The following RAB32 variants were observed in gnomAD, a reference collection of about 807,000 sequenced individuals.
RAB32 encodes RAB32, member RAS oncogene family, also known as ras-related protein Rab-32.
Under a neutral mutation model 17.5 loss-of-function variants are expected in RAB32, and 17 were observed. That is an observed-to-expected ratio of 0.97 (90% confidence interval 0.67 to 1.46). The LOEUF is 1.46. Ranked by LOEUF, RAB32 falls within the 40% of genes most tolerant of loss-of-function variation. RAB32 has a pLI of 0.00. For missense variants in RAB32, 288 were observed against 284.3 expected, an observed-to-expected ratio of 1.01 and a Z score of -0.09; for synonymous variants, 115 against 111.1, an observed-to-expected ratio of 1.04 and a Z score of -0.22.
chr6:146,548,908 T>G (rs994967544), intron 1 of RAB32, among the ~76,000 whole-genome samples: 3 of 152,190 alleles, frequency 2.0e-5, no homozygotes, highest in African/African-American at 4.8e-5. Context: ...TGAAACAGAT[T>G]TTCATGTATC....
intron 1 of RAB32, among the ~76,000 whole-genome samples, chr6:146,546,627 A>G (rs1270762699): frequency 6.6e-6 from 1 of 152,018 alleles, no homozygotes; most frequent in East Asian, 1.9e-4. Context: ...TGCTCCACAA[A>G]CTTCCCCCAG....
intron 2 of RAB32, among the ~76,000 whole-genome samples, chr6:146,551,650 G>A (rs1348037622): frequency 6.6e-6 from 1 of 151,616 alleles, no homozygotes. Flanking sequence ...TTTTGGTGGA[G>A]GAGTTTTATA....
At position 146,554,691 on chromosome 6, in the gene RAB32, C is replaced by G; in HGVS notation, c.*86C>G. On this transcript the variant is annotated 3_prime_UTR_variant, in exon 3 of 3. Coordinates refer to ENST00000367495, the MANE Select transcript of RAB32 (RefSeq NM_006834.5). ...TACAGATGTCATGTTAGCTGGGAGTCTTCCCACATGTGGCACTTCAAAAGG... is the reference window on the plus strand; with the variant it reads ...TACAGATGTCATGTTAGCTGGGAGTGTTCCCACATGTGGCACTTCAAAAGG... 5 of 1,444,358 alleles carry G rather than the reference C, an allele frequency of 3.5e-6. No individual in the cohort carries two copies. The highest frequency in any genetic ancestry group is 4.7e-6 in the Non-Finnish European group (5 of 1,074,614). 89.5% of individuals were successfully genotyped at this position (1,444,358 alleles called of 1,614,324 possible). A position where few individuals can be genotyped will look rare whatever the true frequency, so the allele number is the denominator to read the frequency against.
At chr6:146,548,170 A>C (rs1319090552) in intron 1 of RAB32, among the ~76,000 whole-genome samples, 3 of 152,050 alleles carry the variant, frequency 2.0e-5, no homozygotes, top group Non-Finnish European at 4.4e-5. Flanking sequence ...AGGGTTTCAT[A>C]TGTGACCATT....
At chr6:146,545,272 GAA>G (rs376504722) in intron 1 of RAB32, among the ~76,000 whole-genome samples, 7 of 121,724 alleles carry the variant, frequency 5.8e-5, no homozygotes, top group Admixed American at 1.7e-4. Context: ...CCCTATCTCA[GAA>G]AAAAAAAAAA....
intron 1 of RAB32, among the ~76,000 whole-genome samples, chr6:146,548,954 C>T (rs2114784060): frequency 6.6e-6 from 1 of 152,206 alleles, no homozygotes; most frequent in South Asian, 2.1e-4. Flanking sequence ...CATATTGAGT[C>T]AGAAGTGGGT....
chr6:146,544,011 A>T lies in RAB32; in HGVS notation c.140A>T (p.His47Leu), dbSNP rs199508805. 2.0e-4 allele frequency: 329 copies of T among 1,613,870 alleles called. 6 individuals carry two copies. The Admixed American group carries it at 5.4e-3, about 26-fold the overall frequency. The change falls in exon 1 of 3, where the codon CAC (histidine) becomes CTC (leucine). Residue 47 changes from histidine to leucine, a missense_variant. Transcript: ENST00000367495. ...GKTSIIKRYV[H>L]QLFSQHYRAT... is the part of the protein sequence containing the mutation. ...ACCAGCATCATCAAGCGCTACGTCCACCAGCTCTTCTCCCAGCACTACCGG... is the reference window on the plus strand; with the variant it reads ...ACCAGCATCATCAAGCGCTACGTCCTCCAGCTCTTCTCCCAGCACTACCGG...
chr6:146,551,831 G>A (rs1779902438), intron 2 of RAB32, among the ~76,000 whole-genome samples: 1 of 152,178 alleles, frequency 6.6e-6, no homozygotes, highest in African/African-American at 2.4e-5. Flanking sequence ...TGAAACGCTG[G>A]TTAAGAGTAC....
intron 2 of RAB32, among the ~76,000 whole-genome samples, chr6:146,550,254 A>C (rs1268266348): frequency 1.3e-5 from 2 of 152,210 alleles, no homozygotes; most frequent in East Asian, 1.9e-4. Context: ...TATGCTTCAT[A>C]AACAGTAGAG....
At chr6:146,546,987 C>T (rs901584225) in intron 1 of RAB32, among the ~76,000 whole-genome samples, 16 of 152,012 alleles carry the variant, frequency 1.1e-4, no homozygotes, top group African/African-American at 3.9e-4. Flanking sequence ...TCTGTTCTTA[C>T]GGCATTGAAG....
At chr6:146,553,319 G>C (rs948008009) in intron 2 of RAB32, among the ~76,000 whole-genome samples, 33 of 152,168 alleles carry the variant, frequency 2.2e-4, no homozygotes, top group Non-Finnish European at 7.3e-5. Context: ...TTTGCACTAA[G>C]TACAAAGGGA....
chr6:146,549,715 G>A lies in RAB32; in HGVS notation c.502G>A (p.Ala168Thr). The change falls in exon 2 of 3, where the codon GCC becomes ACC. Residue 168 changes from alanine to threonine, a missense_variant. Ala to Thr is a moderately conservative substitution (Grantham distance 58). Transcript: ENST00000367495. Reference protein sequence around the residue: ...VDQFCKEHGFAGWFETSAKDN... With the variant: ...VDQFCKEHGFTGWFETSAKDN... ...CCAATTCTGCAAAGAACATGGCTTTGCCGGATGGTTTGAAACCTCTGCAAA... is the reference window on the plus strand; with the variant it reads ...CCAATTCTGCAAAGAACATGGCTTTACCGGATGGTTTGAAACCTCTGCAAA... 1.2e-6 allele frequency: 2 copies of A among 1,614,142 alleles called. No homozygotes were observed. Among genetic ancestry groups the A allele is most frequent in the Non-Finnish European group, 1.7e-6 (2 of 1,180,016 alleles).
intron 1 of RAB32, among the ~76,000 whole-genome samples, chr6:146,547,226 A>G (rs1779834989): frequency 6.6e-6 from 1 of 152,136 alleles, no homozygotes. Context: ...GTAAAGTAGT[A>G]TTTGGTTTAC....
At chr6:146,544,186 T>A in intron 1 of RAB32, 65 bp downstream of exon 1, 1 of 1,490,178 alleles carries the variant, frequency 6.7e-7, no homozygotes, top group Non-Finnish European at 9.0e-7. Context: ...TCTCTGCTTC[T>A]TTTCTTTTTC....
chr6:146,548,543 A>C (rs1779853196), intron 1 of RAB32, among the ~76,000 whole-genome samples: 1 of 152,182 alleles, frequency 6.6e-6, no homozygotes, highest in Non-Finnish European at 1.5e-5. Context: ...GTCAGTAACT[A>C]AGTCAAGGCA....
chr6:146,548,904 A>G (rs925533765), intron 1 of RAB32, among the ~76,000 whole-genome samples: 5 of 152,214 alleles, frequency 3.3e-5, no homozygotes, highest in Admixed American at 6.5e-5. Flanking sequence ...GTTCTGAAAC[A>G]GATTTTCATG....
At position 146,544,030 on chromosome 6, in the gene RAB32, C is replaced by G. The variant is rs1779788408; in HGVS notation, c.159C>G (p.His53Gln). The change falls in exon 1 of 3, where the codon CAC becomes CAG. Residue 53 changes from histidine to glutamine, a missense_variant. Transcript: ENST00000367495. ...ACGTCCACCAGCTCTTCTCCCAGCA[C>G]TACCGGGCCACCATCGGGGTGGACT... ...KRYVHQLFSQ[H>Q]YRATIGVDFA... 6.2e-7 allele frequency: 1 copy of G among 1,614,008 alleles called. No homozygotes were observed. Among genetic ancestry groups the G allele is most frequent in the South Asian group, 1.1e-5 (1 of 91,086 alleles).
At chr6:146,551,527 CCTCTGTCTG>C (rs763245021) in intron 2 of RAB32, among the ~76,000 whole-genome samples, 8 of 151,894 alleles carry the variant, frequency 5.3e-5, no homozygotes, top group Non-Finnish European at 1.2e-4. Flanking sequence ...ACACTCATGC[CCTCTGTCTG>C]CTCTGTATGC....
chr6:146,549,398 G>T (rs1322781221), intron 1 of RAB32, 66 bp from the exon 2 acceptor site: 7 of 1,370,344 alleles, frequency 5.1e-6, no homozygotes, highest in Admixed American at 2.0e-5. Flanking sequence ...GGTAAAAGGG[G>T]TTATACCTAA....
Sources: gnomAD v4.1 joint callset for allele counts (sites outside exome capture counted in the v4.1 genomes callset) on GRCh38, gnomAD v4.1.1 for gene constraint, MANE v1.5 for transcripts, NCBI Gene and HGNC (gene_info 2026-07-23, HGNC 2026-07-21) for gene names.